The following MPP7 variants were observed in gnomAD, a reference collection of about 807,000 sequenced individuals.
MPP7 encodes MAGUK p55 scaffold protein 7.
MPP7 carries 60 observed loss-of-function variants against 76.5 expected under a neutral mutation model. The ratio of observed to expected loss-of-function variants is 0.78; its 90% CI spans 0.64 to 0.97. MPP7 has a LOEUF of 0.97. MPP7 is among the 50% of genes least tolerant of loss of function. The pLI is 0.00. For missense variants in MPP7, 641 were observed against 694.0 expected, an observed-to-expected ratio of 0.92 and a Z score of 0.86; for synonymous variants, 237 against 244.5, an observed-to-expected ratio of 0.97 and a Z score of 0.29.
intron 3 of MPP7, among the ~76,000 whole-genome samples, chr10:28,158,525 G>A (rs972939626): frequency 1.3e-5 from 2 of 152,166 alleles, no homozygotes; most frequent in African/African-American, 4.8e-5. Flanking sequence ...AGACGACAGA[G>A]GACAAACTCT....
At position 28,120,345 on chromosome 10, in the gene MPP7, C is replaced by T; in HGVS notation, c.736G>A (p.Ala246Thr). 1.9e-6 allele frequency: 3 copies of T among 1,613,910 alleles called. No individual in the cohort carries two copies. Among genetic ancestry groups the T allele is most frequent in the Non-Finnish European group, 2.5e-6 (3 of 1,179,926 alleles). The change falls in exon 10 of 17, where the codon GCA becomes ACA. Residue 246 changes from alanine (A) to threonine (T), a missense_variant. Coordinates refer to ENST00000683449, the MANE Select transcript of MPP7 (RefSeq NM_001318170.2). Reference protein sequence around the residue: ...LFDYNPNEDKAIPCKEAGLSF... With the variant: ...LFDYNPNEDKTIPCKEAGLSF... ...AGCCCAGCTTCCTTACATGGAATTG[C>T]CTTATCCTCATTAGGATTATAGTCA...
Position 28,200,397 on chromosome 10 carries a change from T to C in MPP7, c.156+1756A>G, listed in dbSNP as rs148775861. 1.5e-3 allele frequency among the ~76,000 whole-genome samples: 221 copies of C among 152,370 alleles called. 2 individuals are homozygous for C. The highest frequency in any genetic ancestry group is 1.4e-3 in the Non-Finnish European group (97 of 68,034). On this transcript the variant is annotated intron_variant, in intron 3 of 16. Transcript: ENST00000683449. ...TGGAAAACATTTAGAATAGTACATG[T>C]GTTATTGTGCTATCTAAATACTAGC...
intron 2 of MPP7, among the ~76,000 whole-genome samples, chr10:28,222,614 G>A (rs1323843358): frequency 6.6e-6 from 1 of 152,080 alleles, no homozygotes; most frequent in African/African-American, 2.4e-5. Flanking sequence ...AGCACTTCAA[G>A]AGGCCGAGGC....
chr10:28,134,275 C>T (rs1986268), intron 5 of MPP7, among the ~76,000 whole-genome samples: 53,240 of 151,814 alleles, frequency 0.35, 11,245 homozygotes, highest in East Asian at 0.86. Context: ...TGAATGAGAA[C>T]GAAACCCATT....
At chr10:28,195,529 T>G (rs1003190312) in intron 3 of MPP7, among the ~76,000 whole-genome samples, 1 of 152,212 alleles carries the variant, frequency 6.6e-6, no homozygotes, top group Non-Finnish European at 1.5e-5. Context: ...AAGTGTGATA[T>G]AGCCATACAA....
intron 11 of MPP7, among the ~76,000 whole-genome samples, chr10:28,113,017 C>CA (rs1834551753): frequency 6.6e-6 from 1 of 152,192 alleles, no homozygotes; most frequent in Admixed American, 6.5e-5. Flanking sequence ...CTGCCTTATA[C>CA]AACTGCCTGC....
intron 2 of MPP7, among the ~76,000 whole-genome samples, chr10:28,310,034 C>T (rs1353536795): frequency 1.4e-5 from 2 of 139,010 alleles, no homozygotes; most frequent in Non-Finnish European, 3.0e-5. Flanking sequence ...CGGAGTCTTG[C>T]TCTGTCACCC....
intron 2 of MPP7, among the ~76,000 whole-genome samples, chr10:28,317,829 G>C (rs893353105): frequency 1.3e-4 from 20 of 152,140 alleles, no homozygotes; most frequent in African/African-American, 4.8e-4. Flanking sequence ...TTAGGAAAAG[G>C]CACTCTTCCT....
At chr10:28,186,321 G>A (rs1225071089) in intron 3 of MPP7, among the ~76,000 whole-genome samples, 1 of 150,074 alleles carries the variant, frequency 6.7e-6, no homozygotes, top group Non-Finnish European at 1.5e-5. Flanking sequence ...ACTCCAGCCT[G>A]GGTGACAGAG....
intron 3 of MPP7, among the ~76,000 whole-genome samples, chr10:28,174,178 T>C (rs181167543): frequency 1.0e-3 from 156 of 152,214 alleles, no homozygotes; most frequent in African/African-American, 3.6e-3. Flanking sequence ...GCAACGACTG[T>C]CATACACTGA....
intron 2 of MPP7, among the ~76,000 whole-genome samples, chr10:28,321,948 C>CGTGTGT (rs3064171): frequency 0.026 from 3,794 of 143,422 alleles, 53 homozygotes; most frequent in African/African-American, 0.049. Context: ...TTTTTGTAGA[C>CGTGTGT]GTGTGTGTGT....
intron 1 of MPP7, among the ~76,000 whole-genome samples, chr10:28,244,743 G>C (rs1195996480): frequency 6.6e-6 from 1 of 152,184 alleles, no homozygotes; most frequent in Non-Finnish European, 1.5e-5. Flanking sequence ...CTTCAAGGCT[G>C]CTAGGAAAGT....
chr10:28,135,529 T>A (rs1480488325), intron 5 of MPP7, among the ~76,000 whole-genome samples: 1 of 152,110 alleles, frequency 6.6e-6, no homozygotes, highest in Non-Finnish European at 1.5e-5. Context: ...TACAGGGCAG[T>A]CCCCTAAACT....
At chr10:28,214,876 G>A (rs528897083) in intron 2 of MPP7, among the ~76,000 whole-genome samples, 31 of 152,188 alleles carry the variant, frequency 2.0e-4, no homozygotes, top group Non-Finnish European at 4.3e-4. Context: ...GGGTCATGCA[G>A]CCTCTGGTTC....
intron 1 of MPP7, among the ~76,000 whole-genome samples, chr10:28,295,751 G>A (rs1175709083): frequency 3.3e-5 from 5 of 152,240 alleles, no homozygotes; most frequent in Admixed American, 2.0e-4. Context: ...CACACCTGCC[G>A]TGTACGGCAT....
chr10:28,244,758 C>T (rs1371792990), intron 1 of MPP7, among the ~76,000 whole-genome samples: 5 of 152,064 alleles, frequency 3.3e-5, no homozygotes, highest in African/African-American at 7.2e-5. Context: ...GAAAGTCTGC[C>T]GGGAACCCTG....
At chr10:28,086,873 T>C (rs906884194) in intron 12 of MPP7, among the ~76,000 whole-genome samples, 16 of 152,084 alleles carry the variant, frequency 1.1e-4, no homozygotes, top group African/African-American at 3.9e-4. Context: ...GGCAACAACC[T>C]AGGGACTCTG....
intron 11 of MPP7, among the ~76,000 whole-genome samples, chr10:28,099,809 C>CAA (rs200972978): frequency 3.6e-5 from 5 of 138,100 alleles, no homozygotes; most frequent in African/African-American, 8.0e-5. Context: ...CTCCATCTCC[C>CAA]AAAAAAAAAA....
intron 2 of MPP7, among the ~76,000 whole-genome samples, chr10:28,315,750 C>T (rs1784734108): frequency 6.6e-6 from 1 of 152,158 alleles, no homozygotes; most frequent in South Asian, 2.1e-4. Flanking sequence ...TTAAGTGTGG[C>T]TGCCCATAGT....
Sources: gnomAD v4.1 joint callset for allele counts (sites outside exome capture counted in the v4.1 genomes callset) on GRCh38, gnomAD v4.1.1 for gene constraint, MANE v1.5 for transcripts, NCBI Gene and HGNC (gene_info 2026-07-23, HGNC 2026-07-21) for gene names.